Variants in CDKAL1 observed in about 807,000 individuals in gnomAD.
The protein encoded by CDKAL1 is threonylcarbamoyladenosine tRNA methylthiotransferase.
Under a neutral mutation model 68.2 loss-of-function variants are expected in CDKAL1, and 32 were observed. The ratio of observed to expected loss-of-function variants is 0.47; its 90% CI spans 0.35 to 0.63. The LOEUF is 0.63. Ranked by LOEUF, CDKAL1 falls within the 30% of genes least tolerant of loss-of-function variation. CDKAL1 has a pLI of 0.00. For missense variants in CDKAL1, 606 were observed against 696.7 expected (o/e 0.87, Z 1.47); for synonymous variants, 234 against 244.3 (o/e 0.96, Z 0.39).
At chr6:20,634,918 AGTGAGC>A (rs1767831903) in intron 4 of CDKAL1, among the ~76,000 whole-genome samples, 2 of 150,062 alleles carry the variant, frequency 1.3e-5, no homozygotes, top group Admixed American at 1.3e-4. Context: ...TAGAGGTTGC[AGTGAGC>A]CAAGACTGCA....
At chr6:21,049,439 A>G (rs527799185) in intron 11 of CDKAL1, among the ~76,000 whole-genome samples, 1 of 152,330 alleles carries the variant, frequency 6.6e-6, no homozygotes, top group South Asian at 2.1e-4. Context: ...TAGATAGTAA[A>G]TACCTTCACT....
At chr6:21,153,559 A>G (rs1467042359) in intron 13 of CDKAL1, among the ~76,000 whole-genome samples, 1 of 152,190 alleles carries the variant, frequency 6.6e-6, no homozygotes, top group Non-Finnish European at 1.5e-5. Context: ...TTAGGAAAGG[A>G]GCTGGCTTTG....
intron 10 of CDKAL1, among the ~76,000 whole-genome samples, chr6:20,963,309 TA>T (rs56292622): frequency 3.7e-3 from 521 of 142,180 alleles, no homozygotes; most frequent in Admixed American, 3.8e-3. Context: ...GCCCTTCCAC[TA>T]AAAAAAAAAA....
At chr6:20,894,803 T>C (rs904483627) in intron 9 of CDKAL1, among the ~76,000 whole-genome samples, 4 of 152,112 alleles carry the variant, frequency 2.6e-5, no homozygotes, top group African/African-American at 9.7e-5. Flanking sequence ...AGTCCATGGG[T>C]TCAAGACCAG....
intron 5 of CDKAL1, among the ~76,000 whole-genome samples, chr6:20,737,480 T>C (rs1424349644): frequency 6.6e-6 from 1 of 152,240 alleles, no homozygotes; most frequent in African/African-American, 2.4e-5. Context: ...TTTTTGAATT[T>C]GGATTTAATT....
intron 11 of CDKAL1, 35 bp from the exon 12 acceptor site, chr6:21,065,013 T>C (rs1034617674): frequency 1.8e-5 from 24 of 1,315,904 alleles, no homozygotes; most frequent in Non-Finnish European, 2.5e-5. Context: ...TGGCTTATAG[T>C]CAAGTTTTTA....
At chr6:21,014,595 A>C (rs1485328299) in intron 11 of CDKAL1, among the ~76,000 whole-genome samples, 1 of 150,800 alleles carries the variant, frequency 6.6e-6, no homozygotes, top group Admixed American at 6.6e-5. Context: ...TGGGTGACAG[A>C]GCGAGACTCC....
At chr6:20,557,054 T>A (rs9356738) in intron 4 of CDKAL1, among the ~76,000 whole-genome samples, 23,826 of 76,040 alleles carry the variant, frequency 0.31, 2,869 homozygotes, top group South Asian at 0.42. Flanking sequence ...AAAAAAAAAA[T>A]AAATAAATAA....
At chr6:20,569,087 A>G (rs2127675976) in intron 4 of CDKAL1, among the ~76,000 whole-genome samples, 1 of 152,310 alleles carries the variant, frequency 6.6e-6, no homozygotes, top group African/African-American at 2.4e-5. Flanking sequence ...AAAACTTATT[A>G]TATAGAGCAT....
At chr6:20,698,649 G>A (rs1407658137) in intron 5 of CDKAL1, among the ~76,000 whole-genome samples, 2 of 152,062 alleles carry the variant, frequency 1.3e-5, no homozygotes, top group Admixed American at 6.5e-5. Context: ...GGAAGGCCAC[G>A]GTGGTGAAGT....
intron 9 of CDKAL1, among the ~76,000 whole-genome samples, chr6:20,863,686 A>T (rs539634075): frequency 1.4e-4 from 21 of 152,340 alleles, no homozygotes; most frequent in African/African-American, 4.3e-4. Context: ...AAGGAGGATA[A>T]TATGGATTGG....
intron 14 of CDKAL1, among the ~76,000 whole-genome samples, chr6:21,200,259 A>G (rs964243649): frequency 3.7e-4 from 56 of 152,350 alleles, no homozygotes; most frequent in African/African-American, 1.3e-3. Context: ...TCTCTAGTGG[A>G]AAGAGACCAC....
chr6:20,840,460 T>C (rs1482032678), intron 8 of CDKAL1, among the ~76,000 whole-genome samples: 3 of 152,212 alleles, frequency 2.0e-5, no homozygotes, highest in Non-Finnish European at 4.4e-5. Flanking sequence ...ACAGCTGCAA[T>C]TGTGTTTCAA....
chr6:20,846,491 G>A (rs1261669845), intron 9 of CDKAL1, among the ~76,000 whole-genome samples: 1 of 152,172 alleles, frequency 6.6e-6, no homozygotes, highest in Non-Finnish European at 1.5e-5. Flanking sequence ...AGCCTCTGAT[G>A]TCTGTTAAGA....
intron 4 of CDKAL1, among the ~76,000 whole-genome samples, chr6:20,610,643 TC>T (rs1438357269): frequency 6.6e-6 from 1 of 152,160 alleles, no homozygotes; most frequent in African/African-American, 2.4e-5. Flanking sequence ...TCACTTTCCC[TC>T]CTTTTCTCTT....
At chr6:20,562,463 C>CCT (rs1764304928) in intron 4 of CDKAL1, among the ~76,000 whole-genome samples, 2 of 152,136 alleles carry the variant, frequency 1.3e-5, no homozygotes, top group South Asian at 4.1e-4. Flanking sequence ...AAAAAATTCA[C>CCT]TGTTGGTCAG....
Position 21,164,132 on chromosome 6 carries a change from A to G in CDKAL1, c.1300-33889A>G, listed in dbSNP as rs936980897. On this transcript the variant is annotated intron_variant, in intron 13 of 15. Transcript: ENST00000274695. ...TTCACCAAACTGCAGAAGAGATAAG[A>G]AAAACAAAGACAGTACAACTTACAG... is the stretch of plus-strand genomic sequence containing the variant. 4.6e-5 allele frequency among the ~76,000 whole-genome samples: 7 copies of G among 152,116 alleles called. No individual in the cohort carries two copies. In the East Asian group the frequency reaches 1.2e-3, roughly 25 times the overall value.
intron 9 of CDKAL1, among the ~76,000 whole-genome samples, chr6:20,879,435 A>G (rs1042358189): frequency 2.0e-5 from 3 of 152,260 alleles, no homozygotes; most frequent in African/African-American, 7.2e-5. Context: ...GTTATGTAAT[A>G]GTCACTTCAA....
rs35969558 is a variant in CDKAL1, at chr6:21,174,734, C to CTA, written c.1300-23271_1300-23270dup. 8.6e-3 allele frequency among the ~76,000 whole-genome samples: 1,288 copies of CTA among 150,196 alleles called. 5 individuals carry two copies. The highest frequency in any genetic ancestry group is 0.013 in the Non-Finnish European group (854 of 67,510). On this transcript the variant is annotated intron_variant, in intron 13 of 15. Coordinates refer to ENST00000274695, the MANE Select transcript of CDKAL1 (RefSeq NM_017774.3). ...AAGGCCATTTTGGAGGGCAATTTAACTATATATATATATATATGAAAATCA... is the reference window on the plus strand; with the variant it reads ...AAGGCCATTTTGGAGGGCAATTTAACTATATATATATATATATATGAAAATCA...
Sources: gnomAD v4.1 joint callset for allele counts (sites outside exome capture counted in the v4.1 genomes callset) on GRCh38, gnomAD v4.1.1 for gene constraint, MANE v1.5 for transcripts, NCBI Gene and HGNC (gene_info 2026-07-23, HGNC 2026-07-21) for gene names.